MYO9A: variants seen among roughly 807,000 people sequenced by gnomAD.
MYO9A encodes the protein unconventional myosin-IXa.
In MYO9A, 103 loss-of-function variants were observed where a neutral mutation model predicts 293.3. That is an observed-to-expected ratio of 0.35 (90% CI 0.30 to 0.41). MYO9A has a LOEUF of 0.41. Ranked by LOEUF, MYO9A falls within the 10% of genes least tolerant of loss-of-function variation. The pLI is 1.00. For missense variants in MYO9A, 2,685 were observed against 3,033.0 expected (o/e 0.89, Z 2.69); for synonymous variants, 1,001 against 1,035.7 (o/e 0.97, Z 0.64).
At chr15:71,937,863 C>A (rs1252539609) in intron 16 of MYO9A, among the ~76,000 whole-genome samples, 1 of 152,064 alleles carries the variant, frequency 6.6e-6, no homozygotes, top group Non-Finnish European at 1.5e-5. Flanking sequence ...ACAGATGAAA[C>A]TGAAGGTACA....
chr15:71,930,107 TG>T (rs1349704676), intron 18 of MYO9A, among the ~76,000 whole-genome samples: 1 of 152,222 alleles, frequency 6.6e-6, no homozygotes, highest in Non-Finnish European at 1.5e-5. Flanking sequence ...TGGCCAGGCA[TG>T]GTGGCTCAAT....
chr15:71,972,571 T>C (rs948448985), intron 12 of MYO9A, among the ~76,000 whole-genome samples: 2 of 152,156 alleles, frequency 1.3e-5, no homozygotes, highest in South Asian at 2.1e-4. Flanking sequence ...GGACACCCAG[T>C]TGGTGTCCAC....
Position 71,916,367 on chromosome 15 carries a change from A to C in MYO9A, c.2685+3T>G. The C allele has an allele frequency of 1.9e-6, 3 of 1,605,050 alleles. No homozygotes were observed. The highest frequency in any genetic ancestry group is 2.5e-6 in the Non-Finnish European group (3 of 1,177,762). Reference sequence around the variant, plus strand: ...ATTTGTTTTAAGCGAAACAAGAAATAACCTGAAACTGGGCACTGATGCTGG... The same window carrying C: ...ATTTGTTTTAAGCGAAACAAGAAATCACCTGAAACTGGGCACTGATGCTGG... On this transcript the variant is annotated splice_donor_region_variant and intron_variant, in intron 19 of 41. Coordinates refer to ENST00000356056, the MANE Select transcript of MYO9A (RefSeq NM_006901.4).
chr15:71,882,278 A>AG (rs1238705686), intron 28 of MYO9A, among the ~76,000 whole-genome samples: 1 of 152,192 alleles, frequency 6.6e-6, no homozygotes, highest in African/African-American at 2.4e-5. Context: ...TCTCTGTTGA[A>AG]GAAGTTGGTA....
At chr15:71,893,446 A>G (rs1596125042) in intron 26 of MYO9A, 1 of 550,632 alleles carries the variant, frequency 1.8e-6, no homozygotes, top group South Asian at 2.2e-5. Flanking sequence ...GTAAGTCAAC[A>G]AAGTCTCTTG....
intron 18 of MYO9A, among the ~76,000 whole-genome samples, chr15:71,928,530 C>A (rs567382578): frequency 6.6e-6 from 1 of 151,884 alleles, no homozygotes; most frequent in Non-Finnish European, 1.5e-5. Context: ...TCACTCTGGG[C>A]AATATGGAGA....
At chr15:72,067,982 T>A (rs1297680264) in intron 1 of MYO9A, among the ~76,000 whole-genome samples, 1 of 152,168 alleles carries the variant, frequency 6.6e-6, no homozygotes, top group African/African-American at 2.4e-5. Context: ...TTTAACAGAA[T>A]AACTAAAAAC....
At chr15:71,925,354 C>CGTGTAT (rs1567278754) in intron 18 of MYO9A, among the ~76,000 whole-genome samples, 1 of 145,988 alleles carries the variant, frequency 6.8e-6, no homozygotes, top group Non-Finnish European at 1.5e-5. Context: ...TATATACTTA[C>CGTGTAT]ATGTATATAT....
chr15:71,874,814 A>G (rs2056632109), intron 32 of MYO9A, among the ~76,000 whole-genome samples: 1 of 152,204 alleles, frequency 6.6e-6, no homozygotes, highest in Admixed American at 6.5e-5. Context: ...AACTGGCTCA[A>G]CATAGCAGCT....
At chr15:72,045,136 G>A (rs1402580246) in intron 2 of MYO9A, 6 of 151,916 alleles carry the variant, frequency 3.9e-5, no homozygotes, top group African/African-American at 9.7e-5. Context: ...TGTAGAGCAG[G>A]GCTACGCTGC....
intron 16 of MYO9A, among the ~76,000 whole-genome samples, chr15:71,935,832 A>G (rs943769942): frequency 6.6e-6 from 1 of 151,982 alleles, no homozygotes. Context: ...AAATGCTACT[A>G]TAGGAATTTG....
At chr15:71,875,755 T>C (rs545811719) in intron 32 of MYO9A, 36 bp downstream of exon 32, 19 of 1,168,410 alleles carry the variant, frequency 1.6e-5, no homozygotes, top group Non-Finnish European at 1.9e-5. Flanking sequence ...GATCTGAAAA[T>C]TACTTTTTTA....
At chr15:72,085,961 A>T (rs1342233475) in intron 1 of MYO9A, among the ~76,000 whole-genome samples, 1 of 151,968 alleles carries the variant, frequency 6.6e-6, no homozygotes, top group Non-Finnish European at 1.5e-5. Context: ...TGGTATTGGG[A>T]CCCTATTTTG....
At chr15:71,963,226 G>C (rs1373139636) in intron 13 of MYO9A, among the ~76,000 whole-genome samples, 6 of 152,066 alleles carry the variant, frequency 3.9e-5, no homozygotes, top group Non-Finnish European at 8.8e-5. Context: ...TGGGACTACA[G>C]GCACACACCA....
At chr15:72,040,618 C>T (rs1408961950) in intron 2 of MYO9A, among the ~76,000 whole-genome samples, 6 of 152,270 alleles carry the variant, frequency 3.9e-5, no homozygotes, top group African/African-American at 1.2e-4. Flanking sequence ...TTTTTTGAGA[C>T]GGAGTCTCGC....
intron 15 of MYO9A, chr15:71,950,468 A>G (rs1351190296): frequency 6.6e-6 from 1 of 152,240 alleles, no homozygotes; most frequent in Non-Finnish European, 1.5e-5. Context: ...TAAGTGTTCC[A>G]AAATGTTTTA....
chr15:72,029,226 G>T (rs150962937), intron 3 of MYO9A, among the ~76,000 whole-genome samples: 1,945 of 152,264 alleles, frequency 0.013, 28 homozygotes, highest in African/African-American at 0.02. Flanking sequence ...AAAGGAAGGA[G>T]GGTACACATA....
chr15:71,966,048 T>G (rs1467384510), intron 13 of MYO9A, among the ~76,000 whole-genome samples: 1 of 151,884 alleles, frequency 6.6e-6, no homozygotes, highest in African/African-American at 2.4e-5. Context: ...GGCTAATTTT[T>G]GTATTTTTAG....
chr15:72,108,567 A>G (rs1223745467), intron 1 of MYO9A, among the ~76,000 whole-genome samples: 1 of 152,222 alleles, frequency 6.6e-6, no homozygotes, highest in Admixed American at 6.5e-5. Context: ...AATGAAATGC[A>G]AAAACTAAAA....
Sources: gnomAD v4.1 joint callset for allele counts (sites outside exome capture counted in the v4.1 genomes callset) on GRCh38, gnomAD v4.1.1 for gene constraint, MANE v1.5 for transcripts, NCBI Gene and HGNC (gene_info 2026-07-23, HGNC 2026-07-21) for gene names.